The following RBM6 variants were observed in gnomAD, a reference collection of about 807,000 sequenced individuals.
The protein encoded by RBM6 is RNA binding motif protein 6, also known as RNA-binding protein 6.
In RBM6, 23 loss-of-function variants were observed where a neutral mutation model predicts 140.4. That is an observed-to-expected ratio of 0.16 (90% CI 0.12 to 0.23). RBM6 has a LOEUF of 0.23. RBM6 is among the 10% of genes least tolerant of loss of function. The probability of loss-of-function intolerance (pLI) is 1.00; values close to 1 mark genes in which losing one functional copy is unlikely to be tolerated. For synonymous variants in RBM6, 439 were observed against 475.6 expected, an observed-to-expected ratio of 0.92 and a Z score of 1.00; for missense variants, 1,139 against 1,386.7, an observed-to-expected ratio of 0.82 and a Z score of 2.84.
At chr3:50,073,752 G>A (rs2090376062) in intron 19 of RBM6, among the ~76,000 whole-genome samples, 1 of 152,076 alleles carries the variant, frequency 6.6e-6, no homozygotes, top group Non-Finnish European at 1.5e-5. Flanking sequence ...CCTACAGGGA[G>A]GCCTGAGCTC....
rs59949998 is a variant in RBM6, at chr3:49,994,669, G to GGTGTGTGTGTGTGTGTGTGTGT, written c.1484-4766_1484-4745dup. Among the ~76,000 whole-genome samples the GGTGTGTGTGTGTGTGTGTGTGT allele has an allele frequency of 2.4e-3, 357 of 148,256 alleles. 3 individuals carry two copies. The highest frequency in any genetic ancestry group is 7.8e-3 in the African/African-American group (311 of 40,102). ...TTTTGTTTGGAGAAAAAGGCTGTGG[G>GGTGTGTGTGTGTGTGTGTGTGT]GTGTGTGTGTGTGTGTGTGTGTGTG... On this transcript the variant is annotated intron_variant, in intron 5 of 20. Transcript: ENST00000266022.
chr3:50,058,357 T>C (rs1264130461), intron 9 of RBM6, 45 bp from the exon 10 acceptor site: 1 of 1,551,834 alleles, frequency 6.4e-7, no homozygotes, highest in Non-Finnish European at 8.9e-7. Context: ...AAAATTTATC[T>C]TTCTCTCCCT....
At chr3:50,065,255 G>C (rs2090083983) in intron 16 of RBM6, 129 bp downstream of exon 16, 1 of 686,200 alleles carries the variant, frequency 1.5e-6, no homozygotes, top group African/African-American at 1.8e-5. Context: ...CCCGAATAAG[G>C]ATTCCCATTT....
Position 49,967,774 on chromosome 3 carries a change from G to A in RBM6, c.349G>A (p.Gly117Ser), listed in dbSNP as rs1325026165. The A allele has an allele frequency of 3.7e-6, 6 of 1,613,966 alleles. No individual in the cohort carries two copies. The highest frequency in any genetic ancestry group is 1.7e-5 in the Admixed American group (1 of 59,976). Reference protein sequence around the residue: ...SRDSSQLDFRGRDIHSGDFRD... With the variant: ...SRDSSQLDFRSRDIHSGDFRD... ...AGATTCATCACAGTTGGACTTCAGG[G>A]GTAGGGACATACATTCTGGGGATTT... The change falls in exon 3 of 21, where the codon GGT becomes AGT. Residue 117 changes from glycine to serine, a missense_variant. Physicochemically the swap from Gly to Ser is moderately conservative, Grantham distance 56. Coordinates refer to ENST00000266022, the MANE Select transcript of RBM6 (RefSeq NM_005777.3). This position sits in a 1 kb window ranked among gnomAD's most constrained non-coding sequence, Gnocchi z 4.0.
At chr3:49,961,178 A>G (rs1165472062) in intron 1 of RBM6, among the ~76,000 whole-genome samples, 1 of 152,060 alleles carries the variant, frequency 6.6e-6, no homozygotes, top group South Asian at 2.1e-4. Flanking sequence ...CCCGGTTTCA[A>G]GCGTTTCTCC....
chr3:49,982,464 G>GAGTGCAGTGACGTGAT (rs1324905006), intron 5 of RBM6, among the ~76,000 whole-genome samples: 1 of 151,624 alleles, frequency 6.6e-6, no homozygotes, highest in Non-Finnish European at 1.5e-5. Flanking sequence ...GCCCAGGTTG[G>GAGTGCAGTGACGTGAT]AGTGCAGTGA....
chr3:50,062,192 A>G (rs2108924068), intron 15 of RBM6, 84 bp downstream of exon 15: 1 of 1,466,312 alleles, frequency 6.8e-7, no homozygotes, highest in East Asian at 2.4e-5. Context: ...CTATGTTTGC[A>G]AGTGTAAAGT....
chr3:50,010,793 C>T lies in RBM6; in HGVS notation c.1557+11280C>T, dbSNP rs186344252. On this transcript the variant is annotated intron_variant, in intron 6 of 20. Transcript: ENST00000266022. ...TGGTGTGTTCCTGTAGTCCCAGCTACTCGGGAGGCTGAGGCAGGAGAATTG... is the reference window on the plus strand; with the variant it reads ...TGGTGTGTTCCTGTAGTCCCAGCTATTCGGGAGGCTGAGGCAGGAGAATTG... Among the ~76,000 whole-genome samples, 290 of 144,528 alleles carry T rather than the reference C, an allele frequency of 2.0e-3. 1 individual carries two copies. The highest frequency in any genetic ancestry group is 3.4e-3 in the Non-Finnish European group (226 of 66,976). 94.8% of individuals were successfully genotyped at this position (144,528 alleles called of 152,430 possible).
At chr3:50,025,725 G>C (rs2087776458) in intron 6 of RBM6, among the ~76,000 whole-genome samples, 1 of 150,442 alleles carries the variant, frequency 6.6e-6, no homozygotes. Flanking sequence ...GTGCCCCACT[G>C]TTCAAGTTTT....
At chr3:50,024,064 A>G (rs181090171) in intron 6 of RBM6, among the ~76,000 whole-genome samples, 21 of 152,342 alleles carry the variant, frequency 1.4e-4, no homozygotes, top group African/African-American at 1.9e-4. Flanking sequence ...ACTTCCCATA[A>G]TGACATTATC....
At chr3:50,050,279 T>A (rs2089416117) in intron 7 of RBM6, among the ~76,000 whole-genome samples, 1 of 152,176 alleles carries the variant, frequency 6.6e-6, no homozygotes, top group Non-Finnish European at 1.5e-5. Flanking sequence ...TCTCCATGGA[T>A]TTGCCTATTC....
At chr3:50,028,039 G>A (rs2087937970) in intron 6 of RBM6, among the ~76,000 whole-genome samples, 1 of 147,488 alleles carries the variant, frequency 6.8e-6, no homozygotes, top group Middle Eastern at 3.2e-3. Context: ...CTCTTGGGCT[G>A]TGTTTGGTTT....
At chr3:50,046,305 C>T (rs549788233) in intron 6 of RBM6, among the ~76,000 whole-genome samples, 13 of 149,520 alleles carry the variant, frequency 8.7e-5, no homozygotes, top group Admixed American at 4.7e-4. Context: ...GACGGCCAGG[C>T]GCAGTGGCTT....
intron 6 of RBM6, among the ~76,000 whole-genome samples, chr3:50,004,065 C>G (rs1011758823): frequency 6.6e-6 from 1 of 152,048 alleles, no homozygotes; most frequent in African/African-American, 2.4e-5. Context: ...CATTGGTTGC[C>G]CAGTTGTGAG....
In RBM6 at chr3:50,066,329, C is replaced by T. The variant is rs762411238; in HGVS notation, c.2770C>T (p.Pro924Ser). The T allele has an allele frequency of 1.5e-5, 24 of 1,614,054 alleles. No individual in the cohort carries two copies. Among genetic ancestry groups the T allele is most frequent in the Non-Finnish European group, 2.0e-5 (24 of 1,180,026 alleles). Reference protein sequence around the residue: ...YEEEEEEEQTPPPQPRTAQPQ... With the variant: ...YEEEEEEEQTSPPQPRTAQPQ... ...GGAGGAAGAAGAGGAGGAACAGACCCCTCCCCCACAGCCCCGCACAGCACA... is the reference window on the plus strand; with the variant it reads ...GGAGGAAGAAGAGGAGGAACAGACCTCTCCCCCACAGCCCCGCACAGCACA... The change falls in exon 17 of 21, where the codon CCT (proline) becomes TCT (serine). Residue 924 changes from proline (P) to serine (S), a missense_variant. Transcript: ENST00000266022.
intron 5 of RBM6, among the ~76,000 whole-genome samples, chr3:49,989,833 G>A (rs1393016247): frequency 6.6e-6 from 1 of 151,948 alleles, no homozygotes; most frequent in Non-Finnish European, 1.5e-5. Flanking sequence ...TGTAGCCTCC[G>A]CCTCCCAGAT....
intron 6 of RBM6, among the ~76,000 whole-genome samples, chr3:50,020,922 G>T (rs1053201947): frequency 6.6e-6 from 1 of 151,966 alleles, no homozygotes; most frequent in Non-Finnish European, 1.5e-5. Flanking sequence ...ACCATAATTC[G>T]GAATATTTTT....
Position 49,994,757 on chromosome 3 carries a change from A to AG in RBM6, c.1484-4682dup, listed in dbSNP as rs143988895. Among the ~76,000 whole-genome samples, 151 of 151,930 alleles carry AG rather than the reference A, an allele frequency of 9.9e-4. 4 individuals are homozygous for AG. In the East Asian group the frequency reaches 0.025, roughly 26 times the overall value. Reference sequence around the variant, plus strand: ...TGACAAAGGCTTCTTAAAAGAAAGGAGAAAAAAAAACCTTCCTGCTAATTG... The same window carrying AG: ...TGACAAAGGCTTCTTAAAAGAAAGGAGGAAAAAAAAACCTTCCTGCTAATTG... On this transcript the variant is annotated intron_variant, in intron 5 of 20. Transcript: ENST00000266022.
At position 49,968,163 on chromosome 3, in the gene RBM6, C is replaced by A; in HGVS notation, c.738C>A (p.Asp246Glu). The change falls in exon 3 of 21, where the codon GAC becomes GAA. Residue 246 changes from aspartate (D) to glutamate (E), a missense_variant. Physicochemically the swap from Asp to Glu is conservative, Grantham distance 45. Around this residue, in one of 9 missense-constraint regions of RBM6, gnomAD observed 566 missense variants for 612.7 expected, o/e 0.92. Coordinates refer to ENST00000266022, the MANE Select transcript of RBM6 (RefSeq NM_005777.3). ...GAGGTTCAGGTACTACTGATCTAGA[C>A]TTTAGGGACAGGGATACGCCACATT... Reference protein sequence around the residue: ...RGRGSGTTDLDFRDRDTPHSD... With the variant: ...RGRGSGTTDLEFRDRDTPHSD... The A allele has an allele frequency of 6.2e-7, 1 of 1,614,044 alleles. No individual in the cohort carries two copies. The highest frequency in any genetic ancestry group is 8.5e-7 in the Non-Finnish European group (1 of 1,180,018).
Sources: gnomAD v4.1 joint callset for allele counts (sites outside exome capture counted in the v4.1 genomes callset) on GRCh38, gnomAD v4.1.1 for gene constraint, gnomAD v4.1.1 regional missense constraint, Gnocchi (gnomAD v3.1) non-coding constraint, MANE v1.5 for transcripts, NCBI Gene and HGNC (gene_info 2026-07-23, HGNC 2026-07-21) for gene names.